The following AK5 variants were observed in gnomAD, a reference collection of about 807,000 sequenced individuals.
AK5 encodes adenylate kinase 5, also known as adenylate kinase isoenzyme 5.
A neutral mutation model predicts 69.5 loss-of-function variants in AK5; 27 were observed. That is an observed-to-expected ratio of 0.39 (90% CI 0.29 to 0.54). The LOEUF (loss-of-function observed/expected upper bound fraction) is 0.54. AK5 is among the 20% of genes least tolerant of loss of function. AK5 has a pLI of 0.71. For synonymous variants in AK5, 260 were observed against 244.4 expected, an observed-to-expected ratio of 1.06 and a Z score of -0.60; for missense variants, 531 against 700.4, an observed-to-expected ratio of 0.76 and a Z score of 2.73.
intron 1 of AK5, chr1:77,282,657 G>A: frequency 1.7e-6 from 2 of 1,188,860 alleles, no homozygotes; most frequent in Non-Finnish European, 2.1e-6. Context: ...CTCGGATGTG[G>A]ACACCCAGGG....
At chr1:77,443,677 C>G (rs796240910) in intron 8 of AK5, among the ~76,000 whole-genome samples, 21 of 134,100 alleles carry the variant, frequency 1.6e-4, no homozygotes, top group South Asian at 5.3e-4. Context: ...TGTGGGGAGT[C>G]TGTGTGTGTG....
rs1037584161 is a variant in AK5, at chr1:77,397,433, C to A, written c.892-13548C>A. Among the ~76,000 whole-genome samples, 19 of 152,312 alleles carry A rather than the reference C, an allele frequency of 1.2e-4. No homozygotes were observed. In the East Asian group the frequency reaches 3.7e-3, roughly 29 times the overall value. ...GTTTGACTGAATTAAATTATTTCCC[C>A]CAAGTCATCCTTACTTTGAGTCCAC... On this transcript the variant is annotated intron_variant, in intron 6 of 13. Transcript: ENST00000354567.
chr1:77,363,625 T>G (rs1170051425), intron 6 of AK5, among the ~76,000 whole-genome samples: 1 of 152,156 alleles, frequency 6.6e-6, no homozygotes, highest in East Asian at 1.9e-4. Flanking sequence ...CTTTCCTCTT[T>G]GTTTATCCCA....
chr1:77,339,800 C>A (rs1194732280), intron 5 of AK5, among the ~76,000 whole-genome samples: 1 of 151,858 alleles, frequency 6.6e-6, no homozygotes, highest in Non-Finnish European at 1.5e-5. Flanking sequence ...TGCGTGCCAC[C>A]ACCTGTAGAG....
At chr1:77,505,696 G>A (rs1021416280) in intron 10 of AK5, among the ~76,000 whole-genome samples, 1 of 151,178 alleles carries the variant, frequency 6.6e-6, no homozygotes, top group Non-Finnish European at 1.5e-5. Flanking sequence ...GTGAAACCCT[G>A]TCTCTACTAA....
At chr1:77,506,998 CA>C (rs1004573787) in intron 10 of AK5, among the ~76,000 whole-genome samples, 9 of 135,244 alleles carry the variant, frequency 6.7e-5, no homozygotes, top group Admixed American at 1.5e-4. Context: ...GACTCAGTCT[CA>C]AAAAAAAAAA....
At chr1:77,430,480 T>G (rs1651564615) in intron 8 of AK5, among the ~76,000 whole-genome samples, 1 of 152,172 alleles carries the variant, frequency 6.6e-6, no homozygotes, top group Non-Finnish European at 1.5e-5. Flanking sequence ...AAAATTTCAG[T>G]GAGCAATTAA....
intron 6 of AK5, among the ~76,000 whole-genome samples, chr1:77,407,823 A>G (rs1276766555): frequency 6.6e-6 from 1 of 151,828 alleles, no homozygotes; most frequent in Non-Finnish European, 1.5e-5. Context: ...TGTTGTTCCC[A>G]TCTTTATCTC....
intron 6 of AK5, among the ~76,000 whole-genome samples, chr1:77,387,362 A>G (rs1367822890): frequency 2.0e-5 from 3 of 152,130 alleles, no homozygotes; most frequent in Non-Finnish European, 4.4e-5. Flanking sequence ...GGGATACACA[A>G]TTTTTTCATC....
chr1:77,430,286 C>G (rs1651550666), intron 8 of AK5, among the ~76,000 whole-genome samples: 1 of 152,082 alleles, frequency 6.6e-6, no homozygotes, highest in South Asian at 2.1e-4. Flanking sequence ...AACAGGACTT[C>G]ATGTTGGAAT....
intron 6 of AK5, among the ~76,000 whole-genome samples, chr1:77,348,763 A>G (rs935465229): frequency 6.6e-6 from 1 of 152,188 alleles, no homozygotes; most frequent in Non-Finnish European, 1.5e-5. Flanking sequence ...ACACCCACAC[A>G]CACACACAAA....
chr1:77,457,183 G>A (rs185959994), intron 8 of AK5, among the ~76,000 whole-genome samples: 1 of 152,264 alleles, frequency 6.6e-6, no homozygotes, highest in Admixed American at 6.5e-5. Context: ...TAAAGATCCT[G>A]TCTGTGTTCC....
chr1:77,363,122 G>A (rs11585455), intron 6 of AK5, among the ~76,000 whole-genome samples: 112,592 of 152,034 alleles, frequency 0.74, 42,122 homozygotes, highest in East Asian at 0.82. Flanking sequence ...TCTAATAGGC[G>A]TCTCAGGTGT....
chr1:77,349,966 A>G (rs770715542), intron 6 of AK5, among the ~76,000 whole-genome samples: 1 of 152,184 alleles, frequency 6.6e-6, no homozygotes, highest in Non-Finnish European at 1.5e-5. Context: ...GGGCCTATGT[A>G]TTCATGGCAC....
chr1:77,536,072 C>T (rs1361929856), intron 13 of AK5, 34 bp downstream of exon 13: 11 of 1,539,654 alleles, frequency 7.1e-6, no homozygotes, highest in African/African-American at 1.4e-5. Context: ...TGAAATGAGC[C>T]GCTTACCTTT....
intron 8 of AK5, among the ~76,000 whole-genome samples, chr1:77,426,973 C>A (rs746033448): frequency 2.0e-4 from 30 of 151,628 alleles, no homozygotes; most frequent in Non-Finnish European, 4.0e-4. Context: ...TGAGATGCAC[C>A]AAAAGCAGTG....
intron 5 of AK5, among the ~76,000 whole-genome samples, chr1:77,299,136 A>G (rs1659192170): frequency 6.6e-6 from 1 of 151,940 alleles, no homozygotes; most frequent in Non-Finnish European, 1.5e-5. Context: ...ACCCTTTCCA[A>G]CCAGATACGA....
intron 8 of AK5, among the ~76,000 whole-genome samples, chr1:77,474,421 C>T (rs1282888477): frequency 6.6e-6 from 1 of 152,194 alleles, no homozygotes; most frequent in East Asian, 1.9e-4. Context: ...CAGGCTTACC[C>T]TCTAGAGCCT....
chr1:77,426,805 A>T (rs1651240031), intron 8 of AK5, among the ~76,000 whole-genome samples: 1 of 152,218 alleles, frequency 6.6e-6, no homozygotes, highest in Non-Finnish European at 1.5e-5. Flanking sequence ...GAACACAGTC[A>T]AATTAAACTA....
Sources: gnomAD v4.1 joint callset for allele counts (sites outside exome capture counted in the v4.1 genomes callset) on GRCh38, gnomAD v4.1.1 for gene constraint, MANE v1.5 for transcripts, NCBI Gene and HGNC (gene_info 2026-07-23, HGNC 2026-07-21) for gene names.